ADCY10: variants seen among roughly 807,000 people sequenced by gnomAD.
ADCY10 encodes the protein adenylate cyclase type 10.
A neutral mutation model predicts 183.3 loss-of-function variants in ADCY10; 156 were observed. The observed-to-expected ratio is 0.85, with a 90% CI of 0.75 to 0.97. The LOEUF (loss-of-function observed/expected upper bound fraction) is 0.97. ADCY10 is among the 50% of genes least tolerant of loss of function. The pLI is 0.00. For synonymous variants in ADCY10, 645 were observed against 670.0 expected (o/e 0.96, Z 0.58); for missense variants, 1,745 against 1,934.3 (o/e 0.90, Z 1.84).
At chr1:167,904,555 T>G in intron 2 of ADCY10, 1 of 372,972 alleles carries the variant, frequency 2.7e-6, no homozygotes, top group South Asian at 4.7e-5. Context: ...CTTCTTTAAC[T>G]GGGAATAAAA....
intron 19 of ADCY10, among the ~76,000 whole-genome samples, chr1:167,847,356 A>G (rs920940932): frequency 6.6e-6 from 1 of 152,212 alleles, no homozygotes; most frequent in African/African-American, 2.4e-5. Context: ...CTGAGTTCAT[A>G]CTAAAACATT....
chr1:167,845,475 C>A, intron 21 of ADCY10, 88 bp downstream of exon 21: 1 of 1,385,510 alleles, frequency 7.2e-7, no homozygotes, highest in South Asian at 1.2e-5. Flanking sequence ...AGACTTGAAG[C>A]CCTCAAGATC....
chr1:167,832,247 T>C (rs966597488), intron 25 of ADCY10, among the ~76,000 whole-genome samples: 8 of 152,124 alleles, frequency 5.3e-5, no homozygotes, highest in African/African-American at 1.9e-4. Flanking sequence ...TGCCATGAAT[T>C]GCTAGATAGG....
chr1:167,810,054 G>A (rs1181372444), intron 32 of ADCY10, among the ~76,000 whole-genome samples: 1 of 152,182 alleles, frequency 6.6e-6, no homozygotes, highest in Non-Finnish European at 1.5e-5. Flanking sequence ...CAACAAAACT[G>A]AGTATAGGGC....
At chr1:167,825,412 A>G (rs1663209242) in intron 26 of ADCY10, among the ~76,000 whole-genome samples, 1 of 151,380 alleles carries the variant, frequency 6.6e-6, no homozygotes, top group African/African-American at 2.4e-5. Context: ...GCACTTCTGG[A>G]GGCCGAGGCA....
chr1:167,853,830 C>CTTTTTTTTTTTTTTTTTTTTTTTTTT lies in ADCY10; in HGVS notation c.2308+497_2308+522dup, dbSNP rs538462140. On this transcript the variant is annotated intron_variant, in intron 18 of 32. Transcript: ENST00000367851. ...TGTTCTTTCATTTCTACTATAGTTACTTTTTTTTTTTTTTTTTTTTTTTTT... is the reference window on the plus strand; with the variant it reads ...TGTTCTTTCATTTCTACTATAGTTACTTTTTTTTTTTTTTTTTTTTTTTTTTTTTTTTTTTTTTTTTTTTTTTTTTT... 2.3e-4 allele frequency among the ~76,000 whole-genome samples: 18 copies of CTTTTTTTTTTTTTTTTTTTTTTTTTT among 77,188 alleles called. 1 individual carries two copies. Among genetic ancestry groups the CTTTTTTTTTTTTTTTTTTTTTTTTTT allele is most frequent in the Admixed American group, 3.2e-4 (2 of 6,302 alleles). 50.6% of individuals were successfully genotyped at this position (77,188 alleles called of 152,430 possible). A position where few individuals can be genotyped will look rare whatever the true frequency, so the allele number is the denominator to read the frequency against.
At chr1:167,899,693 T>G in intron 5 of ADCY10, 65 bp from the exon 6 acceptor site, 1 of 1,524,988 alleles carries the variant, frequency 6.6e-7, no homozygotes, top group Non-Finnish European at 9.0e-7. Context: ...CAGCACAGGT[T>G]TTTGGAAAAA....
At chr1:167,818,526 T>C (rs1662669769) in intron 30 of ADCY10, 1 of 541,562 alleles carries the variant, frequency 1.8e-6, no homozygotes, top group African/African-American at 1.9e-5. Flanking sequence ...ACCATTGAAC[T>C]CTTTGGCTTT....
In ADCY10 at chr1:167,884,291, C is replaced by T. The variant is rs997485668; in HGVS notation, c.829-663G>A. On this transcript the variant is annotated intron_variant, in intron 8 of 32. Coordinates refer to ENST00000367851, the MANE Select transcript of ADCY10 (RefSeq NM_018417.6). ...CTCAAACTTATAATATGGCAGAAGACGAAGGAGAAGCAGGCACTTCTTATA... is the reference window on the plus strand; with the variant it reads ...CTCAAACTTATAATATGGCAGAAGATGAAGGAGAAGCAGGCACTTCTTATA... Among the ~76,000 whole-genome samples the T allele has an allele frequency of 1.1e-4, 16 of 151,986 alleles. No individual in the cohort carries two copies. In the South Asian group the frequency reaches 1.2e-3, roughly 12 times the overall value.
chr1:167,857,939 C>T (rs956116293), intron 16 of ADCY10, among the ~76,000 whole-genome samples: 1 of 152,152 alleles, frequency 6.6e-6, no homozygotes, highest in African/African-American at 2.4e-5. Context: ...AATCCACATC[C>T]TACTTTTTTA....
In ADCY10 at chr1:167,902,013, T is replaced by A. The variant is rs761506428; in HGVS notation, c.292+3A>T. 2.5e-6 allele frequency: 4 copies of A among 1,612,376 alleles called. No individual in the cohort carries two copies. In the South Asian group the frequency reaches 4.4e-5, roughly 18 times the overall value. On this transcript the variant is annotated splice_donor_region_variant and intron_variant, in intron 4 of 32. Coordinates refer to ENST00000367851, the MANE Select transcript of ADCY10 (RefSeq NM_018417.6). ...CCCCTTCTATCTTAGTAAGCCCCCA[T>A]ACCTGCAAATTTCAGGATGTCTCCT...
intron 8 of ADCY10, among the ~76,000 whole-genome samples, chr1:167,888,603 G>A (rs929321248): frequency 1.4e-4 from 22 of 151,984 alleles, no homozygotes; most frequent in Non-Finnish European, 2.8e-4. Flanking sequence ...TGGGCCGGGC[G>A]CGGTGGCTCA....
At position 167,816,695 on chromosome 1, in the gene ADCY10, T is replaced by C. The variant is rs1182138687; in HGVS notation, c.4482+1377A>G. Among the ~76,000 whole-genome samples the C allele has an allele frequency of 3.3e-5, 5 of 152,226 alleles. 2 individuals are homozygous for C. Among genetic ancestry groups the C allele is most frequent in the Admixed American group, 2.0e-4 (3 of 15,284 alleles). ...GACCTGTTGACAGGAAAAAAATCCC[T>C]AGAATTCTTTACCCAGTGAAATTAT... On this transcript the variant is annotated intron_variant, in intron 31 of 32. Coordinates refer to ENST00000367851, the MANE Select transcript of ADCY10 (RefSeq NM_018417.6).
chr1:167,828,414 C>G (rs1464314572), intron 26 of ADCY10, among the ~76,000 whole-genome samples: 1 of 152,160 alleles, frequency 6.6e-6, no homozygotes, highest in Non-Finnish European at 1.5e-5. Flanking sequence ...TATCCTTTAA[C>G]ATTTTTCTCT....
At chr1:167,908,310 C>T (rs1033020829) in intron 1 of ADCY10, among the ~76,000 whole-genome samples, 1 of 152,032 alleles carries the variant, frequency 6.6e-6, no homozygotes, top group Non-Finnish European at 1.5e-5. Flanking sequence ...CACAGAAAGA[C>T]AAAAATATTG....
intron 18 of ADCY10, among the ~76,000 whole-genome samples, chr1:167,854,058 T>C (rs1256335435): frequency 1.3e-5 from 2 of 151,994 alleles, no homozygotes; most frequent in Non-Finnish European, 2.9e-5. Flanking sequence ...AGGCTGGTCT[T>C]GAACTCCTGA....
chr1:167,858,026 G>A (rs1265201196), intron 16 of ADCY10, among the ~76,000 whole-genome samples: 1 of 152,152 alleles, frequency 6.6e-6, no homozygotes, highest in South Asian at 2.1e-4. Context: ...AACAGTCTAA[G>A]CCCTGACACT....
rs560347998 is a variant in ADCY10 at position 167,854,074 on chromosome 1, A to G, written c.2308+279T>C. On this transcript the variant is annotated intron_variant, in intron 18 of 32. Transcript: ENST00000367851. ...GGCTGGTCTTGAACTCCTGACCTCAAGTGATCTGCCTGCCTCGGGCTCCGA... is the reference window on the plus strand; with the variant it reads ...GGCTGGTCTTGAACTCCTGACCTCAGGTGATCTGCCTGCCTCGGGCTCCGA... 2.2e-4 allele frequency among the ~76,000 whole-genome samples: 33 copies of G among 152,090 alleles called. No homozygotes were observed. In the East Asian group the frequency reaches 4.8e-3, roughly 22 times the overall value.
chr1:167,832,590 C>A (rs191603524), intron 25 of ADCY10, among the ~76,000 whole-genome samples: 2 of 151,928 alleles, frequency 1.3e-5, no homozygotes, highest in African/African-American at 4.8e-5. Flanking sequence ...TTCTTTGGGG[C>A]GGGGCAAAAC....
Sources: allele counts gnomAD v4.1 joint callset (sites outside exome capture counted in the v4.1 genomes callset), GRCh38; gene constraint gnomAD v4.1.1; transcripts MANE v1.5; gene names NCBI Gene and HGNC (gene_info 2026-07-23, HGNC 2026-07-21).